Variants in DMD observed in about 807,000 individuals in gnomAD.
The protein encoded by DMD is mutant dystrophin.
Under a neutral mutation model 330.1 loss-of-function variants are expected in DMD, and 63 were observed. The ratio of observed to expected loss-of-function variants is 0.19; its 90% confidence interval spans 0.16 to 0.24. The LOEUF (loss-of-function observed/expected upper bound fraction) is 0.24. Ranked by LOEUF, DMD falls within the 10% of genes least tolerant of loss-of-function variation. The pLI is 1.00. For missense variants in DMD, 3,344 were observed against 2,684.1 expected (o/e 1.25, Z -5.43); for synonymous variants, 1,223 against 959.8 (o/e 1.27, Z -5.07).
intron 44 of DMD, among the ~76,000 whole-genome samples, chrX:32,178,193 AC>A (rs1433288025): frequency 2.8e-5 from 2 of 70,599 alleles, no homozygotes; most frequent in African/African-American, 1.2e-4. Context: ...AAGTCTCAAG[AC>A]CATTTTTTTT....
chrX:32,787,243 TG>T (rs2075444809), intron 7 of DMD, among the ~76,000 whole-genome samples: 1 of 93,550 alleles, frequency 1.1e-5, no homozygotes, highest in Non-Finnish European at 2.2e-5. Context: ...TGTGTGTGTG[TG>T]TGTGAGAGAG....
intron 17 of DMD, among the ~76,000 whole-genome samples, chrX:32,531,687 G>T (rs761786631): frequency 9.0e-6 from 1 of 110,690 alleles, no homozygotes; most frequent in South Asian, 3.8e-4. Context: ...CTCAAGAACA[G>T]GTCTGTCTGA....
At chrX:32,619,902 G>C (rs2057866975) in intron 11 of DMD, among the ~76,000 whole-genome samples, 1 of 111,635 alleles carries the variant, frequency 9.0e-6, no homozygotes, top group African/African-American at 3.3e-5. Context: ...AACAAGAGCT[G>C]TCCAACAGTA....
intron 1 of DMD, among the ~76,000 whole-genome samples, chrX:33,112,622 A>G (rs888608949): frequency 9.0e-6 from 1 of 111,292 alleles, no homozygotes; most frequent in African/African-American, 3.3e-5. Flanking sequence ...ATTTTGGTAA[A>G]ATATGGTGAA....
At chrX:31,569,632 G>GTC (rs1569551977) in intron 55 of DMD, among the ~76,000 whole-genome samples, 6 of 95,598 alleles carry the variant, frequency 6.3e-5, no homozygotes, top group African/African-American at 2.4e-4. Context: ...ACGTATATAC[G>GTC]TATATATATG....
At chrX:31,456,245 C>A (rs2066150427) in intron 59 of DMD, among the ~76,000 whole-genome samples, 1 of 112,458 alleles carries the variant, frequency 8.9e-6, no homozygotes, top group Non-Finnish European at 1.9e-5. Flanking sequence ...AGGGCTGTTA[C>A]AAAGATGGAT....
chrX:32,131,429 GGTAA>G (rs1192495541), intron 44 of DMD, among the ~76,000 whole-genome samples: 2 of 111,080 alleles, frequency 1.8e-5, no homozygotes, highest in Non-Finnish European at 3.8e-5. Context: ...GTTTAGAAGG[GGTAA>G]GTGACAGGTT....
At chrX:32,273,658 T>C (rs2097374130) in intron 43 of DMD, among the ~76,000 whole-genome samples, 1 of 111,326 alleles carries the variant, frequency 9.0e-6, no homozygotes, top group Non-Finnish European at 1.9e-5. Flanking sequence ...GAAACTTCCC[T>C]AAAAGACAAT....
At chrX:32,287,782 T>A in intron 42 of DMD, 81 bp from the exon 43 acceptor site, 1 of 670,348 alleles carries the variant, frequency 1.5e-6, no homozygotes, top group Non-Finnish European at 2.1e-6. Context: ...TATATACAAA[T>A]CCCAAAGGTA....
intron 9 of DMD, among the ~76,000 whole-genome samples, chrX:32,692,149 T>A (rs1232139662): frequency 1.8e-5 from 2 of 112,307 alleles, no homozygotes; most frequent in African/African-American, 6.5e-5. Context: ...GAATCCCATG[T>A]TAAGTGTTCT....
In DMD at chrX:32,491,267, A is replaced by G. The variant is rs1261724426; in HGVS notation, c.2622+10T>C. ...ATTATGCTCCAAATGGAAGGAGAAG[A>G]GATTCTTACCTTACAAATTTTTAAC... On this transcript the variant is annotated intron_variant, in intron 20 of 78. Coordinates refer to ENST00000357033, the MANE Select transcript of DMD (RefSeq NM_004006.3). 1.7e-6 allele frequency: 2 copies of G among 1,211,567 alleles called. No homozygotes were observed. The highest frequency in any genetic ancestry group is 2.2e-6 in the Non-Finnish European group (2 of 895,154).
At chrX:32,821,396 A>G (rs1307085090) in intron 5 of DMD, among the ~76,000 whole-genome samples, 1 of 108,131 alleles carries the variant, frequency 9.2e-6, no homozygotes, top group Non-Finnish European at 1.9e-5. Context: ...CATCCTGGCT[A>G]ACACGGTGAA....
chrX:33,163,451 G>T (rs1318761785), intron 1 of DMD, among the ~76,000 whole-genome samples: 1 of 108,555 alleles, frequency 9.2e-6, no homozygotes, highest in East Asian at 2.9e-4. Context: ...CAGGAGAATC[G>T]CTAGAACCCA....
chrX:32,942,271 A>C (rs1351989474), intron 2 of DMD, among the ~76,000 whole-genome samples: 2 of 112,521 alleles, frequency 1.8e-5, no homozygotes, highest in Non-Finnish European at 3.8e-5. Flanking sequence ...TGGCTGGAGC[A>C]GTGGCTCATG....
chrX:31,379,296 C>G (rs996733519), intron 60 of DMD, among the ~76,000 whole-genome samples: 6 of 111,318 alleles, frequency 5.4e-5, no homozygotes, highest in East Asian at 2.8e-4. Context: ...AGCCCTCCCC[C>G]ACCTGCCCAG....
In DMD at chrX:31,275,259, C is replaced by T. The variant is rs747064059; in HGVS notation, c.9225-14243G>A. Among the ~76,000 whole-genome samples, 10 of 109,598 alleles carry T rather than the reference C, an allele frequency of 9.1e-5. No homozygotes were observed. The South Asian group carries it at 3.6e-3, about 40-fold the overall frequency. ...TCTTACATTGACTCTGTGAGCTAAT[C>T]GCTCATATTAATAATTTACTAAGGT... On this transcript the variant is annotated intron_variant, in intron 62 of 78. Coordinates refer to ENST00000357033, the MANE Select transcript of DMD (RefSeq NM_004006.3).
rs2041036250 is a variant in DMD at position 31,180,422 on chromosome X, C to T, written c.10034G>A (p.Arg3345Gln). The T allele has an allele frequency of 4.1e-6, 5 of 1,208,699 alleles. No individual in the cohort carries two copies. The highest frequency in any genetic ancestry group is 1.8e-5 in the African/African-American group (1 of 56,994). ...DICQSCFFSG[R>Q]VAKGHKMHYP... ...GTGCATTTTATGGCCTTTTGCAACT[C>T]GACCAGAAAAAAAGCAGCTTTGGCA... Residue 3345 changes from arginine (R) to glutamine (Q), a missense_variant, in exon 69 of 79, where the codon CGA becomes CAA. Arg to Gln is a conservative substitution (Grantham distance 43). Coordinates refer to ENST00000357033, the MANE Select transcript of DMD (RefSeq NM_004006.3).
At chrX:32,195,509 A>G (rs1339573194) in intron 44 of DMD, among the ~76,000 whole-genome samples, 1 of 112,308 alleles carries the variant, frequency 8.9e-6, no homozygotes, top group Non-Finnish European at 1.9e-5. Context: ...ACACAAAAGA[A>G]AACTGTGAAT....
Position 32,364,678 on chromosome X carries a change from C to G in DMD, c.5058G>C (p.Gln1686His), listed in dbSNP as rs1207276080. The G allele has an allele frequency of 8.3e-7, 1 of 1,208,024 alleles. No individual in the cohort carries two copies. The highest frequency in any genetic ancestry group is 1.8e-5 in the African/African-American group (1 of 57,071). Residue 1686 changes from glutamine (Q) to histidine (H), a missense_variant, in exon 36 of 79, where the codon CAG (glutamine) becomes CAC (histidine). Transcript: ENST00000357033. ...EYQKHMETFD[Q>H]NVDHITKWII... is the part of the protein sequence containing the mutation. Reference sequence around the variant, plus strand: ...TCCACTTTGTGATGTGGTCCACATTCTGGTCAAAAGTTTCCATGTGTTTCT... The same window carrying G: ...TCCACTTTGTGATGTGGTCCACATTGTGGTCAAAAGTTTCCATGTGTTTCT...
Sources: allele counts gnomAD v4.1 joint callset (sites outside exome capture counted in the v4.1 genomes callset), GRCh38; gene constraint gnomAD v4.1.1; transcripts MANE v1.5; gene names NCBI Gene and HGNC (gene_info 2026-07-23, HGNC 2026-07-21).